The following CSMD1 variants were observed in gnomAD, a reference collection of about 807,000 sequenced individuals.
CSMD1 encodes the protein CUB and Sushi multiple domains 1.
A neutral mutation model predicts 417.5 loss-of-function variants in CSMD1; 213 were observed. That is an observed-to-expected ratio of 0.51 (90% CI 0.46 to 0.57). CSMD1 has a LOEUF of 0.57. Ranked by LOEUF, CSMD1 falls within the 20% of genes least tolerant of loss-of-function variation. The pLI, the probability that CSMD1 is intolerant of heterozygous loss-of-function variation, is 0.00. For missense variants in CSMD1, 6,923 were observed against 4,529.7 expected, an observed-to-expected ratio of 1.53 and a Z score of -15.17; for synonymous variants, 2,862 against 1,736.8, an observed-to-expected ratio of 1.65 and a Z score of -16.11.
chr8:4,689,976 C>A (rs1296374171), intron 1 of CSMD1, among the ~76,000 whole-genome samples: 1 of 152,004 alleles, frequency 6.6e-6, no homozygotes, highest in African/African-American at 2.4e-5. Context: ...CTGCCGTAAG[C>A]GTAGTGCTAA....
chr8:4,131,875 G>A (rs963541391), intron 3 of CSMD1, among the ~76,000 whole-genome samples: 9 of 143,336 alleles, frequency 6.3e-5, no homozygotes, highest in South Asian at 2.2e-4. Flanking sequence ...CCATTCTCCT[G>A]CCTTAGTCTC....
chr8:4,036,918 T>A (rs905184333), intron 3 of CSMD1, among the ~76,000 whole-genome samples: 1 of 152,022 alleles, frequency 6.6e-6, no homozygotes, highest in African/African-American at 2.4e-5. Flanking sequence ...GTTAGGCTCA[T>A]TGGCATGTGC....
In CSMD1 at chr8:3,452,017, G is replaced by A. The variant is rs568792033; in HGVS notation, c.1561+16695C>T. ...TGAGCAGTGGTTTGTAGTTCTCCTC[G>A]AAGAGGTCCTTCACATCCCTTGTAA... On this transcript the variant is annotated intron_variant, in intron 12 of 69. Coordinates refer to ENST00000635120, the MANE Select transcript of CSMD1 (RefSeq NM_033225.6). Among the ~76,000 whole-genome samples, 45 of 152,202 alleles carry A rather than the reference G, an allele frequency of 3.0e-4. No individual in the cohort carries two copies. The South Asian group carries it at 4.2e-3, about 14-fold the overall frequency.
intron 1 of CSMD1, among the ~76,000 whole-genome samples, chr8:4,806,033 G>C (rs1798566410): frequency 6.6e-6 from 1 of 152,136 alleles, no homozygotes; most frequent in South Asian, 2.1e-4. Context: ...CCATGAAACA[G>C]ACAGTGAGAT....
At chr8:3,334,937 T>G (rs1807155276) in intron 23 of CSMD1, among the ~76,000 whole-genome samples, 1 of 152,212 alleles carries the variant, frequency 6.6e-6, no homozygotes, top group Non-Finnish European at 1.5e-5. Flanking sequence ...GAGCGTCAGC[T>G]CCTAGTCCAA....
In CSMD1 at chr8:4,787,734, T is replaced by C. The variant is rs750534420; in HGVS notation, c.86-150176A>G. The C allele has an allele frequency of 1.5e-5, 24 of 1,589,690 alleles. 1 individual carries two copies. In the South Asian group the frequency reaches 2.0e-4, roughly 13 times the overall value. On this transcript the variant is annotated intron_variant, in intron 1 of 69. Coordinates refer to ENST00000635120, the MANE Select transcript of CSMD1 (RefSeq NM_033225.6). The stretch of plus-strand genomic sequence containing the variant: ...CTGCCAATAATGACCCACAGTGGTC[T>C]GAGGAACAGCTGATTGCTGCAAAAT...
At chr8:3,761,196 T>C (rs1239445803) in intron 5 of CSMD1, among the ~76,000 whole-genome samples, 2 of 152,122 alleles carry the variant, frequency 1.3e-5, no homozygotes, top group Admixed American at 1.3e-4. Flanking sequence ...AAAGCGACAA[T>C]GAACTCTCAT....
intron 3 of CSMD1, among the ~76,000 whole-genome samples, chr8:4,163,403 T>C (rs1797278729): frequency 6.6e-6 from 1 of 152,208 alleles, no homozygotes; most frequent in Non-Finnish European, 1.5e-5. Context: ...TCTACATTGT[T>C]GGTGTTATGG....
intron 2 of CSMD1, among the ~76,000 whole-genome samples, chr8:4,508,688 G>A (rs914139427): frequency 2.6e-5 from 4 of 152,014 alleles, no homozygotes; most frequent in African/African-American, 7.2e-5. Context: ...GCAGCTGGTA[G>A]TGGGTCTGGA....
At chr8:4,291,417 C>T (rs919523757) in intron 3 of CSMD1, among the ~76,000 whole-genome samples, 2 of 151,980 alleles carry the variant, frequency 1.3e-5, no homozygotes, top group African/African-American at 2.4e-5. Context: ...AATTAAAATA[C>T]AACCTCCAAA....
At chr8:3,087,742 C>A (rs1814647165) in intron 48 of CSMD1, among the ~76,000 whole-genome samples, 1 of 152,254 alleles carries the variant, frequency 6.6e-6, no homozygotes, top group Non-Finnish European at 1.5e-5. Context: ...ATGCAGCCCA[C>A]AGGCTGCAGG....
At chr8:3,744,980 C>G (rs1296679901) in intron 6 of CSMD1, among the ~76,000 whole-genome samples, 1 of 152,040 alleles carries the variant, frequency 6.6e-6, no homozygotes, top group Non-Finnish European at 1.5e-5. Context: ...TGTAGTAAAG[C>G]CTAGAGTAGC....
intron 10 of CSMD1, among the ~76,000 whole-genome samples, chr8:3,565,961 A>T (rs538020374): frequency 6.6e-6 from 1 of 152,294 alleles, no homozygotes; most frequent in African/African-American, 2.4e-5. Flanking sequence ...ACGTATACGC[A>T]TTCTCATGCC....
intron 1 of CSMD1, among the ~76,000 whole-genome samples, chr8:4,713,564 G>A (rs920250462): frequency 5.3e-5 from 8 of 152,142 alleles, no homozygotes; most frequent in Admixed American, 3.9e-4. Flanking sequence ...ACCACGCCTA[G>A]TTAATTTTTT....
intron 5 of CSMD1, among the ~76,000 whole-genome samples, chr8:3,765,781 G>A (rs1448877484): frequency 1.3e-5 from 2 of 152,132 alleles, no homozygotes; most frequent in East Asian, 1.9e-4. Context: ...CCCCAGCATA[G>A]CTCCAGAGTC....
At chr8:4,309,902 T>C (rs922423182) in intron 3 of CSMD1, among the ~76,000 whole-genome samples, 7 of 152,318 alleles carry the variant, frequency 4.6e-5, no homozygotes, top group South Asian at 2.1e-4. Flanking sequence ...GCTTCAACTA[T>C]GAAATGTGAT....
intron 5 of CSMD1, among the ~76,000 whole-genome samples, chr8:3,889,002 C>T (rs1041921433): frequency 1.3e-5 from 2 of 152,076 alleles, no homozygotes; most frequent in East Asian, 3.9e-4. Flanking sequence ...AAAGTACTTA[C>T]AAACTCATTC....
At chr8:4,753,940 G>A (rs989868439) in intron 1 of CSMD1, among the ~76,000 whole-genome samples, 2 of 152,176 alleles carry the variant, frequency 1.3e-5, no homozygotes, top group African/African-American at 2.4e-5. Context: ...GATGCTTTAT[G>A]TGCTGCCAAT....
chr8:4,034,907 A>AT, intron 3 of CSMD1, among the ~76,000 whole-genome samples: 1 of 152,226 alleles, frequency 6.6e-6, no homozygotes, highest in South Asian at 2.1e-4. Flanking sequence ...GATAACCACA[A>AT]TGACCAGTCA....
Sources: allele counts gnomAD v4.1 joint callset (sites outside exome capture counted in the v4.1 genomes callset), GRCh38; gene constraint gnomAD v4.1.1; transcripts MANE v1.5; gene names NCBI Gene and HGNC (gene_info 2026-07-23, HGNC 2026-07-21).